The following TNFRSF19 variants were observed in gnomAD, a reference collection of about 807,000 sequenced individuals.
TNFRSF19 encodes the protein TNF receptor superfamily member 19.
TNFRSF19 carries 27 observed loss-of-function variants against 46.4 expected under a neutral mutation model. The ratio of observed to expected loss-of-function variants is 0.58; its 90% CI spans 0.43 to 0.80. The LOEUF is 0.80. Among genes scored for constraint, TNFRSF19 ranks in the 30% least tolerant of loss-of-function variants. The pLI is 0.00. For synonymous variants in TNFRSF19, 204 were observed against 205.0 expected, an observed-to-expected ratio of 1.00 and a Z score of 0.04; for missense variants, 511 against 530.8, an observed-to-expected ratio of 0.96 and a Z score of 0.37.
intron 7 of TNFRSF19, among the ~76,000 whole-genome samples, chr13:23,663,876 T>C (rs1951572178): frequency 1.3e-5 from 2 of 152,156 alleles, no homozygotes; most frequent in Non-Finnish European, 2.9e-5. Flanking sequence ...AGTTTTTAAT[T>C]GTGTTTATTT....
chr13:23,649,826 A>G (rs1883533536), intron 5 of TNFRSF19, among the ~76,000 whole-genome samples: 1 of 152,078 alleles, frequency 6.6e-6, no homozygotes, highest in African/African-American at 2.4e-5. Flanking sequence ...ATTTAAGAGT[A>G]TATTGTTGCA....
At chr13:23,627,185 T>G (rs1303566761) in intron 5 of TNFRSF19, among the ~76,000 whole-genome samples, 1 of 152,200 alleles carries the variant, frequency 6.6e-6, no homozygotes, top group African/African-American at 2.4e-5. Context: ...CAGGATCATA[T>G]GGTGGCATCT....
intron 7 of TNFRSF19, among the ~76,000 whole-genome samples, chr13:23,666,857 A>G (rs1951643459): frequency 6.6e-6 from 1 of 152,120 alleles, no homozygotes; most frequent in African/African-American, 2.4e-5. Flanking sequence ...ACGGGCTTGC[A>G]ATTGCATCTC....
At chr13:23,586,890 A>G (rs951771683) in intron 1 of TNFRSF19, among the ~76,000 whole-genome samples, 5 of 152,112 alleles carry the variant, frequency 3.3e-5, no homozygotes, top group Admixed American at 6.5e-5. Flanking sequence ...CTTGTGGAAT[A>G]CGGTAAACCA....
chr13:23,595,414 A>C (rs2138194465), intron 3 of TNFRSF19, among the ~76,000 whole-genome samples: 1 of 152,336 alleles, frequency 6.6e-6, no homozygotes, highest in East Asian at 1.9e-4. Context: ...GAAGAACATA[A>C]ATGACCTGAT....
intron 1 of TNFRSF19, among the ~76,000 whole-genome samples, chr13:23,586,555 G>A (rs1345041823): frequency 2.0e-5 from 3 of 152,328 alleles, no homozygotes; most frequent in Non-Finnish European, 4.4e-5. Context: ...GCCCTTCCCC[G>A]GCAGTGCTCC....
At chr13:23,618,923 GC>G (rs1881478908) in intron 4 of TNFRSF19, among the ~76,000 whole-genome samples, 1 of 152,048 alleles carries the variant, frequency 6.6e-6, no homozygotes, top group African/African-American at 2.4e-5. Flanking sequence ...TTTTTTATTT[GC>G]CTTCCACCTT....
intron 5 of TNFRSF19, among the ~76,000 whole-genome samples, chr13:23,654,565 T>G (rs754659965): frequency 1.3e-5 from 2 of 152,190 alleles, no homozygotes; most frequent in Non-Finnish European, 2.9e-5. Flanking sequence ...GAAAGCCCTG[T>G]GACTGCTCTG....
At position 23,578,553 on chromosome 13, in the gene TNFRSF19, T is replaced by A. The variant is rs567599998; in HGVS notation, c.-35+7705T>A. Among the ~76,000 whole-genome samples, 12 of 152,320 alleles carry A rather than the reference T, an allele frequency of 7.9e-5. No individual in the cohort carries two copies. In the South Asian group the frequency reaches 2.5e-3, roughly 32 times the overall value. On this transcript the variant is annotated intron_variant, in intron 1 of 9. Coordinates refer to ENST00000248484, the MANE Select transcript of TNFRSF19 (RefSeq NM_148957.4). Reference sequence around the variant, plus strand: ...TGGGGTATAGACAAGAAACAGGGACTTGGGTCCATCCACACAGTGCAGTTG... The same window carrying A: ...TGGGGTATAGACAAGAAACAGGGACATGGGTCCATCCACACAGTGCAGTTG...
Position 23,659,144 on chromosome 13 carries a change from C to T in TNFRSF19, c.540C>T (p.Thr180=), listed in dbSNP as rs765729212. The change falls in exon 6 of 10, where the codon ACC becomes ACT. Residue 180 remains threonine (T), a synonymous_variant. Transcript: ENST00000248484. This position sits in a 1 kb window ranked among gnomAD's most constrained non-coding sequence, Gnocchi z 4.9. ...LAAVICSALA[T]VLLALLILCV... ...CCGTTATCTGCAGCGCTCTGGCCAC[C>T]GTCCTGCTGGCCCTGCTCATCCTCT... 1.4e-5 allele frequency: 23 copies of T among 1,614,030 alleles called. No homozygotes were observed. Among genetic ancestry groups the T allele is most frequent in the Admixed American group, 3.3e-5 (2 of 60,014 alleles).
chr13:23,641,767 TTAGA>T (rs1418176901), intron 5 of TNFRSF19, among the ~76,000 whole-genome samples: 2 of 152,250 alleles, frequency 1.3e-5, no homozygotes, highest in African/African-American at 4.8e-5. Flanking sequence ...TTTGAGATAC[TTAGA>T]TAAATGTACA....
intron 5 of TNFRSF19, among the ~76,000 whole-genome samples, chr13:23,655,747 CCT>C (rs1479314522): frequency 6.6e-6 from 1 of 151,410 alleles, no homozygotes; most frequent in Non-Finnish European, 1.5e-5. Context: ...TGCCCCCCCC[CCT>C]TATTTTTGGT....
chr13:23,663,375 G>T (rs534274484), intron 7 of TNFRSF19, among the ~76,000 whole-genome samples: 1 of 152,146 alleles, frequency 6.6e-6, no homozygotes, highest in Admixed American at 6.5e-5. Flanking sequence ...CTGCTTGATC[G>T]TGGTGGATTA....
chr13:23,668,950 T>C lies in TNFRSF19; in HGVS notation c.1098T>C (p.Ser366=). ...GGGCTGTTCCAGTCCAGTCTCATTC[T>C]GAAAACTTTACAGCAGCTACTGATT... ...VGGAVPVQSH[S]ENFTAATDLS... The change falls in exon 9 of 10, where the codon TCT becomes TCC. Residue 366 remains serine, a synonymous_variant. Coordinates refer to ENST00000248484, the MANE Select transcript of TNFRSF19 (RefSeq NM_148957.4). The C allele has an allele frequency of 6.2e-7, 1 of 1,614,282 alleles. No individual in the cohort carries two copies. The highest frequency in any genetic ancestry group is 8.5e-7 in the Non-Finnish European group (1 of 1,180,050).
intron 1 of TNFRSF19, among the ~76,000 whole-genome samples, chr13:23,581,137 T>C (rs1337124185): frequency 6.6e-6 from 1 of 150,864 alleles, no homozygotes; most frequent in African/African-American, 2.4e-5. Context: ...CTTTTCTTTT[T>C]TTTTTTTTGA....
intron 1 of TNFRSF19, among the ~76,000 whole-genome samples, chr13:23,581,127 CTTTTCTTTTTTTT>C (rs1399057731): frequency 8.1e-6 from 1 of 123,246 alleles, no homozygotes; most frequent in Admixed American, 7.7e-5. Context: ...TTCTTTTTTT[CTTTTCTTTTTTTT>C]TTTTTGAAAC....
chr13:23,576,522 G>C (rs944164418), intron 1 of TNFRSF19, among the ~76,000 whole-genome samples: 3 of 152,178 alleles, frequency 2.0e-5, no homozygotes, highest in Non-Finnish European at 4.4e-5. Context: ...ACACTCAAAT[G>C]AGGGAAAGTG....
At chr13:23,666,670 C>A (rs141250994) in intron 7 of TNFRSF19, among the ~76,000 whole-genome samples, 202 of 152,274 alleles carry the variant, frequency 1.3e-3, no homozygotes, top group African/African-American at 4.5e-3. Context: ...AATGGCAGTG[C>A]CTTTTGCTTT....
intron 5 of TNFRSF19, among the ~76,000 whole-genome samples, chr13:23,629,352 A>G (rs184973801): frequency 6.6e-6 from 1 of 152,166 alleles, no homozygotes. Context: ...GAGACCCTGT[A>G]TGCTGCATGC....
Sources: allele counts gnomAD v4.1 joint callset (sites outside exome capture counted in the v4.1 genomes callset), GRCh38; gene constraint gnomAD v4.1.1; non-coding constraint Gnocchi (gnomAD v3.1); transcripts MANE v1.5; gene names NCBI Gene and HGNC (gene_info 2026-07-23, HGNC 2026-07-21).